CAMK1D: variants seen among roughly 807,000 people sequenced by gnomAD.
CAMK1D encodes calcium/calmodulin-dependent protein kinase type 1D.
CAMK1D carries 9 observed loss-of-function variants against 47.7 expected under a neutral mutation model. The ratio of observed to expected loss-of-function variants is 0.19; its 90% CI spans 0.11 to 0.33. The LOEUF is 0.33. Ranked by LOEUF, CAMK1D falls within the 10% of genes least tolerant of loss-of-function variation. The pLI, the probability that CAMK1D is intolerant of heterozygous loss-of-function variation, is 1.00. For missense variants in CAMK1D, 291 were observed against 488.7 expected (o/e 0.60, Z 3.81); for synonymous variants, 184 against 184.9 (o/e 0.99, Z 0.04).
intron 6 of CAMK1D, among the ~76,000 whole-genome samples, chr10:12,813,943 A>AT (rs113993296): frequency 0.023 from 2,944 of 125,422 alleles, 104 homozygotes; most frequent in African/African-American, 0.063. Flanking sequence ...ATGTCAGCTG[A>AT]TTTTTTTTTT....
At chr10:12,463,130 G>GTTT (rs34084682) in intron 1 of CAMK1D, among the ~76,000 whole-genome samples, 11 of 141,154 alleles carry the variant, frequency 7.8e-5, no homozygotes, top group Admixed American at 7.1e-5. Flanking sequence ...AGCTCTAAGA[G>GTTT]TTTTTTTTTT....
chr10:12,580,919 G>T (rs1837645412), intron 2 of CAMK1D, among the ~76,000 whole-genome samples: 1 of 152,128 alleles, frequency 6.6e-6, no homozygotes, highest in Non-Finnish European at 1.5e-5. Context: ...AGGTTTGGGG[G>T]AACAGGTGGT....
chr10:12,616,216 G>A (rs1458945403), intron 2 of CAMK1D, among the ~76,000 whole-genome samples: 1 of 152,096 alleles, frequency 6.6e-6, no homozygotes, highest in Non-Finnish European at 1.5e-5. Context: ...TATGGCTAAC[G>A]GTAAGGAAAT....
intron 5 of CAMK1D, among the ~76,000 whole-genome samples, chr10:12,774,730 C>T (rs1212599465): frequency 6.6e-6 from 1 of 152,200 alleles, no homozygotes; most frequent in African/African-American, 2.4e-5. Context: ...AGCTCCGCCT[C>T]CTGTCAGATC....
At chr10:12,352,399 A>G (rs1837379513) in intron 1 of CAMK1D, among the ~76,000 whole-genome samples, 1 of 152,110 alleles carries the variant, frequency 6.6e-6, no homozygotes, top group South Asian at 2.1e-4. Context: ...CACTTAAGTC[A>G]GGAGTTCGAG....
intron 3 of CAMK1D, among the ~76,000 whole-genome samples, chr10:12,700,033 G>A (rs925770481): frequency 1.3e-4 from 20 of 151,628 alleles, no homozygotes; most frequent in South Asian, 4.2e-4. Flanking sequence ...TAGTTTTTTC[G>A]TAATACTCAT....
At chr10:12,766,819 C>T (rs969209619) in intron 4 of CAMK1D, among the ~76,000 whole-genome samples, 7 of 152,034 alleles carry the variant, frequency 4.6e-5, no homozygotes, top group Admixed American at 2.6e-4. Flanking sequence ...CGTAGCAGAC[C>T]GGCTAAGACA....
At chr10:12,784,417 C>T (rs1378663810) in intron 5 of CAMK1D, among the ~76,000 whole-genome samples, 4 of 152,042 alleles carry the variant, frequency 2.6e-5, no homozygotes, top group Non-Finnish European at 4.4e-5. Context: ...AGGCTGGTCT[C>T]GAACTCCTGA....
At chr10:12,763,056 G>A (rs1836579642) in intron 4 of CAMK1D, among the ~76,000 whole-genome samples, 1 of 152,188 alleles carries the variant, frequency 6.6e-6, no homozygotes, top group Non-Finnish European at 1.5e-5. Flanking sequence ...TGGCTGTATG[G>A]GAGATAATGT....
chr10:12,717,590 TA>T (rs201647505), intron 3 of CAMK1D, among the ~76,000 whole-genome samples: 129 of 142,398 alleles, frequency 9.1e-4, no homozygotes, highest in Admixed American at 8.4e-4. Flanking sequence ...TCTACAAAAG[TA>T]AAAAAAAAAA....
intron 5 of CAMK1D, among the ~76,000 whole-genome samples, chr10:12,770,288 G>T (rs1836981573): frequency 6.6e-6 from 1 of 152,194 alleles, no homozygotes; most frequent in Non-Finnish European, 1.5e-5. Context: ...TGCGATGCTA[G>T]GCATTCAAGT....
intron 3 of CAMK1D, among the ~76,000 whole-genome samples, chr10:12,739,750 C>T (rs11817163): frequency 0.14 from 20,530 of 151,996 alleles, 3,084 homozygotes; most frequent in African/African-American, 0.37. Context: ...GCATGTACTA[C>T]TTGTAATCAG....
intron 3 of CAMK1D, among the ~76,000 whole-genome samples, chr10:12,745,759 C>G (rs557162953): frequency 6.6e-6 from 1 of 151,940 alleles, no homozygotes; most frequent in Admixed American, 6.6e-5. Flanking sequence ...CCCGCCACCA[C>G]GCCCAGCTAA....
At chr10:12,699,261 C>T (rs1007388666) in intron 3 of CAMK1D, among the ~76,000 whole-genome samples, 5 of 152,214 alleles carry the variant, frequency 3.3e-5, no homozygotes, top group African/African-American at 1.2e-4. Context: ...CTTGAGTGTC[C>T]AAAAGAACTG....
intron 2 of CAMK1D, among the ~76,000 whole-genome samples, chr10:12,567,478 A>T (rs143119196): frequency 0.01 from 1,561 of 152,224 alleles, 29 homozygotes; most frequent in African/African-American, 0.036. Context: ...GGTTTGGGGG[A>T]TAAGCCAGGC....
At chr10:12,657,994 A>G (rs547424473) in intron 2 of CAMK1D, among the ~76,000 whole-genome samples, 2 of 152,262 alleles carry the variant, frequency 1.3e-5, no homozygotes, top group African/African-American at 2.4e-5. Flanking sequence ...TACTAAAAAT[A>G]CAAAAATTAG....
At chr10:12,394,112 C>T (rs536165999) in intron 1 of CAMK1D, among the ~76,000 whole-genome samples, 3 of 152,190 alleles carry the variant, frequency 2.0e-5, no homozygotes, top group Admixed American at 6.5e-5. Flanking sequence ...CACGTTTGAT[C>T]GTTTGCGATA....
chr10:12,543,354 C>A (rs1164115279), intron 1 of CAMK1D, among the ~76,000 whole-genome samples: 1 of 151,952 alleles, frequency 6.6e-6, no homozygotes, highest in Non-Finnish European at 1.5e-5. Flanking sequence ...TGGCCATTGC[C>A]CAATTATTAA....
intron 2 of CAMK1D, among the ~76,000 whole-genome samples, chr10:12,587,128 T>C (rs1312164305): frequency 6.6e-6 from 1 of 152,228 alleles, no homozygotes; most frequent in East Asian, 1.9e-4. Context: ...AAATGATCTC[T>C]GAGTCCCATG....
Sources: allele counts gnomAD v4.1 joint callset (sites outside exome capture counted in the v4.1 genomes callset), GRCh38; gene constraint gnomAD v4.1.1; transcripts MANE v1.5; gene names NCBI Gene and HGNC (gene_info 2026-07-23, HGNC 2026-07-21).